Variants in KDM4D observed in about 807,000 individuals in gnomAD.
The protein encoded by KDM4D is lysine demethylase 4D.
For synonymous variants in KDM4D, 254 were observed against 249.1 expected (o/e 1.02, Z -0.19); for missense variants, 427 against 674.8 (o/e 0.63, Z 4.07).
At chr11:94,987,654 G>A (rs944557344) in intron 2 of KDM4D, among the ~76,000 whole-genome samples, 13 of 152,104 alleles carry the variant, frequency 8.5e-5, no homozygotes, top group Admixed American at 5.2e-4. Flanking sequence ...CGAGGAAAAC[G>A]TTTAACATGA....
chr11:94,998,535 C>T lies in KDM4D; in HGVS notation c.1163C>T (p.Pro388Leu), dbSNP rs782174917. Residue 388 changes from proline (P) to leucine (L), a missense_variant, in exon 3 of 3, where the codon CCT becomes CTT. Coordinates refer to ENST00000335080, the MANE Select transcript of KDM4D (RefSeq NM_018039.3). This position sits in a 1 kb window ranked among gnomAD's most constrained non-coding sequence, Gnocchi z 6.7. ...PSHWARHSPW[P>L]MAARSGTRCH... ...CACTGGGCCCGGCATTCCCCTTGGC[C>T]TATGGCTGCCCGCAGTGGGACACGG... is the stretch of plus-strand genomic sequence containing the variant. 1.2e-6 allele frequency: 2 copies of T among 1,613,056 alleles called. No individual in the cohort carries two copies. Among genetic ancestry groups the T allele is most frequent in the Admixed American group, 1.7e-5 (1 of 60,034 alleles).
chr11:94,977,359 A>G (rs1266323261), intron 2 of KDM4D, among the ~76,000 whole-genome samples: 5 of 152,110 alleles, frequency 3.3e-5, no homozygotes, highest in Admixed American at 1.3e-4. Flanking sequence ...ATGGTTTCCA[A>G]AGTTTTCTAT....
chr11:94,989,915 C>A (rs1052752914), intron 2 of KDM4D, among the ~76,000 whole-genome samples: 2 of 152,056 alleles, frequency 1.3e-5, no homozygotes, highest in East Asian at 3.9e-4. Flanking sequence ...GCCACCACCA[C>A]GTCCAGCTAA....
rs1299296864 is a variant in KDM4D, at chr11:94,997,201, T to C, written c.-172T>C. On this transcript the variant is annotated 5_prime_UTR_variant, in exon 3 of 3. Coordinates refer to ENST00000335080, the MANE Select transcript of KDM4D (RefSeq NM_018039.3). ...GCTGCCCAGAGTGGAATCTCACTAG[T>C]GAATAAACAAGCCCAAGAAAGATTA... The C allele has an allele frequency of 4.0e-6, 2 of 501,420 alleles. No homozygotes were observed. The highest frequency in any genetic ancestry group is 4.0e-5 in the African/African-American group (2 of 49,574). The allele number at this position is 501,420 out of a possible 1,614,324, so 31.1% of individuals were successfully genotyped here. A position where few individuals can be genotyped will look rare whatever the true frequency, so the allele number is the denominator to read the frequency against.
At chr11:94,974,271 G>A (rs2134106530) in intron 1 of KDM4D, among the ~76,000 whole-genome samples, 1 of 152,202 alleles carries the variant, frequency 6.6e-6, no homozygotes, top group African/African-American at 2.4e-5. Context: ...GTTTTAATAA[G>A]ACAACGAAAA....
At chr11:94,976,714 T>C (rs587687337) in intron 2 of KDM4D, among the ~76,000 whole-genome samples, 1 of 152,328 alleles carries the variant, frequency 6.6e-6, no homozygotes, top group East Asian at 1.9e-4. Flanking sequence ...GGATGTAGTT[T>C]GGCCCTTGAT....
At chr11:94,975,368 A>G (rs1857788969) in intron 1 of KDM4D, among the ~76,000 whole-genome samples, 2 of 152,192 alleles carry the variant, frequency 1.3e-5, no homozygotes, top group Non-Finnish European at 2.9e-5. Context: ...ATTAAGAGAA[A>G]AGGATCTTCA....
At chr11:94,984,492 C>A (rs1857867853) in intron 2 of KDM4D, among the ~76,000 whole-genome samples, 1 of 151,794 alleles carries the variant, frequency 6.6e-6, no homozygotes, top group African/African-American at 2.4e-5. Context: ...CAGTCCCTTT[C>A]TCATAATAAA....
At chr11:94,978,682 CAT>C (rs1232729846) in intron 2 of KDM4D, among the ~76,000 whole-genome samples, 1 of 152,046 alleles carries the variant, frequency 6.6e-6, no homozygotes, top group Non-Finnish European at 1.5e-5. Context: ...TAAAATCAAA[CAT>C]ATTAAAAATA....
At position 94,998,126 on chromosome 11, in the gene KDM4D, A is replaced by G. The variant is rs1555099476; in HGVS notation, c.754A>G (p.Thr252Ala). ...GCACAAGGTGGCCCTCATCTCGCCT[A>G]CAGTTCTCAAGGAAAATGGGATTCC... Reference protein sequence around the residue: ...LRHKVALISPTVLKENGIPFN... With the variant: ...LRHKVALISPAVLKENGIPFN... The change falls in exon 3 of 3, where the codon ACA becomes GCA. Residue 252 changes from threonine to alanine, a missense_variant. Thr to Ala is a moderately conservative substitution (Grantham distance 58). Coordinates refer to ENST00000335080, the MANE Select transcript of KDM4D (RefSeq NM_018039.3). The surrounding 1 kb of genome is among the most constrained non-coding windows in gnomAD (Gnocchi z 6.7). 1.2e-6 allele frequency: 2 copies of G among 1,614,020 alleles called. No homozygotes were observed. Among genetic ancestry groups the G allele is most frequent in the African/African-American group, 1.3e-5 (1 of 74,922 alleles).
Position 94,997,256 on chromosome 11 carries a change from TG to T in KDM4D, c.-115del. 2 of 690,706 alleles carry T rather than the reference TG, an allele frequency of 2.9e-6. No individual in the cohort carries two copies. Among genetic ancestry groups the T allele is most frequent in the Non-Finnish European group, 4.6e-6 (2 of 438,330 alleles). The allele number at this position is 690,706 out of a possible 1,614,324, so 42.8% of individuals were successfully genotyped here. On this transcript the variant is annotated 5_prime_UTR_variant, in exon 3 of 3. Transcript: ENST00000335080. ...CTCATTTGCAAAAAAAAAAGTACGCTGGTAGATCCTGCTACCTCATAGATAA... is the reference window on the plus strand; with the variant it reads ...CTCATTTGCAAAAAAAAAAGTACGCTGTAGATCCTGCTACCTCATAGATAA...
chr11:94,991,520 A>G (rs1555098676), intron 2 of KDM4D, among the ~76,000 whole-genome samples: 2 of 152,146 alleles, frequency 1.3e-5, no homozygotes, highest in Admixed American at 1.3e-4. Flanking sequence ...GACAATAAGA[A>G]AGAAAAGCAA....
intron 2 of KDM4D, among the ~76,000 whole-genome samples, chr11:94,992,887 AAGT>A (rs756568385): frequency 3.9e-5 from 6 of 152,234 alleles, no homozygotes; most frequent in Non-Finnish European, 8.8e-5. Flanking sequence ...TATTTTAAAT[AAGT>A]AGTAGATTTT....
rs782036936 is a variant in KDM4D at position 94,998,797 on chromosome 11, C to T, written c.1425C>T (p.Leu475=). 3.1e-6 allele frequency: 5 copies of T among 1,606,636 alleles called. No individual in the cohort carries two copies. The highest frequency in any genetic ancestry group is 1.7e-4 in the Middle Eastern group (1 of 6,016). The change falls in exon 3 of 3, where the codon CTC becomes CTT. Residue 475 remains leucine, a synonymous_variant. Coordinates refer to ENST00000335080, the MANE Select transcript of KDM4D (RefSeq NM_018039.3). This position sits in a 1 kb window ranked among gnomAD's most constrained non-coding sequence, Gnocchi z 6.7. ...LTLQTPAKRP[L]LAGTTCTASG... ...TCCAGACTCCAGCCAAGAGGCCCCT[C>T]TTGGCGGGCACAACATGCACAGCTT...
rs1177096810 is a variant in KDM4D at position 94,975,711 on chromosome 11, T to C, written c.-387T>C. Reference sequence around the variant, plus strand: ...TCTCTTGTTCACTGGGTGTATCCTCTGCATATAGAACAGTGCCTGGCACAT... The same window carrying C: ...TCTCTTGTTCACTGGGTGTATCCTCCGCATATAGAACAGTGCCTGGCACAT... On this transcript the variant is annotated 5_prime_UTR_variant, in exon 2 of 3. Transcript: ENST00000335080. 6.6e-6 allele frequency: 1 copy of C among 152,188 alleles called. No homozygotes were observed. The highest frequency in any genetic ancestry group is 1.5e-5 in the Non-Finnish European group (1 of 68,048). 9.4% of individuals were successfully genotyped at this position (152,188 alleles called of 1,614,324 possible).
chr11:94,984,124 C>T (rs1291172742), intron 2 of KDM4D, among the ~76,000 whole-genome samples: 1 of 152,018 alleles, frequency 6.6e-6, no homozygotes, highest in African/African-American at 2.4e-5. Flanking sequence ...TGTATATATA[C>T]ATATGTGTAC....
At chr11:94,988,853 G>A (rs1555098355) in intron 2 of KDM4D, among the ~76,000 whole-genome samples, 1 of 152,092 alleles carries the variant, frequency 6.6e-6, no homozygotes, top group Admixed American at 6.6e-5. Context: ...CTTGAGATGG[G>A]GGGAATCAGG....
chr11:94,984,886 C>T (rs1363219803), intron 2 of KDM4D, among the ~76,000 whole-genome samples: 1 of 151,654 alleles, frequency 6.6e-6, no homozygotes, highest in Admixed American at 6.6e-5. Flanking sequence ...ATAGCAGATA[C>T]ACAAAACAGT....
At position 94,999,050 on chromosome 11, in the gene KDM4D, A is replaced by G; in HGVS notation, c.*106A>G. The G allele has an allele frequency of 8.8e-7, 1 of 1,131,320 alleles. No individual in the cohort carries two copies. The highest frequency in any genetic ancestry group is 1.2e-6 in the Non-Finnish European group (1 of 846,912). The allele number at this position is 1,131,320 out of a possible 1,614,324, so 70.1% of individuals were successfully genotyped here. A position where few individuals can be genotyped will look rare whatever the true frequency, so the allele number is the denominator to read the frequency against. On this transcript the variant is annotated 3_prime_UTR_variant, in exon 3 of 3. Transcript: ENST00000335080. Reference sequence around the variant, plus strand: ...TGGTTGAGTTTGCAGGACTCTAGGCATGCATGAAAGAGCCCCCCTGGTGAT... The same window carrying G: ...TGGTTGAGTTTGCAGGACTCTAGGCGTGCATGAAAGAGCCCCCCTGGTGAT...
Sources: allele counts gnomAD v4.1 joint callset (sites outside exome capture counted in the v4.1 genomes callset), GRCh38; gene constraint gnomAD v4.1.1; non-coding constraint Gnocchi (gnomAD v3.1); transcripts MANE v1.5; gene names NCBI Gene and HGNC (gene_info 2026-07-23, HGNC 2026-07-21).